The following RBFOX1 variants were observed in gnomAD, a reference collection of about 807,000 sequenced individuals.
RBFOX1 encodes RNA binding protein fox-1 homolog 1.
In RBFOX1, 8 loss-of-function variants were observed where a neutral mutation model predicts 57.7. The observed-to-expected ratio is 0.14, with a 90% confidence interval of 0.08 to 0.25. The LOEUF (loss-of-function observed/expected upper bound fraction) is 0.25. Ranked by LOEUF, RBFOX1 falls within the 10% of genes least tolerant of loss-of-function variation. RBFOX1 has a pLI of 1.00. For missense variants in RBFOX1, 611 were observed against 548.5 expected, an observed-to-expected ratio of 1.11 and a Z score of -1.14; for synonymous variants, 326 against 222.4, an observed-to-expected ratio of 1.47 and a Z score of -4.15.
At chr16:7,534,567 C>T (rs1414946488) in intron 5 of RBFOX1, among the ~76,000 whole-genome samples, 1 of 152,130 alleles carries the variant, frequency 6.6e-6, no homozygotes, top group Admixed American at 6.5e-5. Flanking sequence ...CCGATTCGAT[C>T]CACTGAAAGT....
At chr16:6,670,623 A>G (rs539337527) in intron 3 of RBFOX1, among the ~76,000 whole-genome samples, 1 of 152,302 alleles carries the variant, frequency 6.6e-6, no homozygotes, top group African/African-American at 2.4e-5. Flanking sequence ...TAATATACCA[A>G]TCTCTATCTA....
At chr16:5,530,935 A>T (rs1204541031) in intron 2 of RBFOX1, among the ~76,000 whole-genome samples, 834 of 10,258 alleles carry the variant, frequency 0.081, 1 homozygote, top group South Asian at 0.13. Flanking sequence ...TAAAAATATA[A>T]AAAAAAAAAA....
In RBFOX1 at chr16:6,957,279, C is replaced by T. The variant is rs555040590; in HGVS notation, c.-15-94778C>T. On this transcript the variant is annotated intron_variant, in intron 3 of 15. Coordinates refer to ENST00000550418, the MANE Select transcript of RBFOX1 (RefSeq NM_018723.4). ...CCCGAGTAGCTGGGACTACAGGTGC[C>T]CACCACTGCGCCAGGCTAATTTTTT... Among the ~76,000 whole-genome samples, 579 of 151,872 alleles carry T rather than the reference C, an allele frequency of 3.8e-3. 2 individuals carry two copies. The highest frequency in any genetic ancestry group is 0.013 in the South Asian group (62 of 4,794).
intron 4 of RBFOX1, among the ~76,000 whole-genome samples, chr16:5,891,343 C>T (rs1473131428): frequency 6.6e-6 from 1 of 152,152 alleles, no homozygotes; most frequent in East Asian, 1.9e-4. Context: ...GGGGGATGCC[C>T]TTGGTTTCAA....
chr16:5,284,384 G>A (rs2063341165), intron 1 of RBFOX1, among the ~76,000 whole-genome samples: 1 of 152,068 alleles, frequency 6.6e-6, no homozygotes, highest in Non-Finnish European at 1.5e-5. Flanking sequence ...TTGTGTGTCT[G>A]CTCTATCAGA....
chr16:6,799,658 G>C (rs2084898881), intron 3 of RBFOX1, among the ~76,000 whole-genome samples: 1 of 152,140 alleles, frequency 6.6e-6, no homozygotes. Flanking sequence ...CTCGTATAAA[G>C]CAGGTGGAAG....
intron 1 of RBFOX1, among the ~76,000 whole-genome samples, chr16:5,461,310 C>T (rs540208063): frequency 1.7e-4 from 26 of 152,306 alleles, no homozygotes; most frequent in African/African-American, 5.5e-4. Flanking sequence ...TGATCTGCCC[C>T]GCACTCTGCC....
intron 1 of RBFOX1, among the ~76,000 whole-genome samples, chr16:6,020,610 C>T (rs760002111): frequency 5.3e-5 from 8 of 152,154 alleles, no homozygotes; most frequent in Non-Finnish European, 1.0e-4. Context: ...CCTACTGTGC[C>T]CCTGGTTCCT....
chr16:7,669,036 CTG>C (rs2070454916), intron 13 of RBFOX1, among the ~76,000 whole-genome samples: 1 of 152,192 alleles, frequency 6.6e-6, no homozygotes, highest in Non-Finnish European at 1.5e-5. Context: ...TCCTGAGTAA[CTG>C]GGATTACAGG....
chr16:6,113,076 G>T (rs1441176499), intron 1 of RBFOX1, among the ~76,000 whole-genome samples: 1 of 152,134 alleles, frequency 6.6e-6, no homozygotes, highest in East Asian at 1.9e-4. Flanking sequence ...GCTTACTCCT[G>T]AGTCTGTGGA....
intron 14 of RBFOX1, among the ~76,000 whole-genome samples, chr16:7,686,236 A>G (rs2076038353): frequency 6.6e-6 from 1 of 152,032 alleles, no homozygotes; most frequent in African/African-American, 2.4e-5. Context: ...ATGAGTTAGA[A>G]TAATTTTTGA....
chr16:7,247,442 A>T (rs1567879842), intron 4 of RBFOX1, among the ~76,000 whole-genome samples: 1 of 152,186 alleles, frequency 6.6e-6, no homozygotes, highest in Non-Finnish European at 1.5e-5. Flanking sequence ...GTTGTGCAAG[A>T]TAATGAGTGT....
At chr16:7,489,274 A>T (rs941119278) in intron 4 of RBFOX1, among the ~76,000 whole-genome samples, 6 of 152,316 alleles carry the variant, frequency 3.9e-5, no homozygotes, top group Admixed American at 3.3e-4. Flanking sequence ...ATGTAAAAGC[A>T]AGTTTTTGGT....
At chr16:5,597,395 C>CGTT (rs1363908203) in intron 2 of RBFOX1, among the ~76,000 whole-genome samples, 1 of 114,426 alleles carries the variant, frequency 8.7e-6, no homozygotes, top group Non-Finnish European at 1.7e-5. Context: ...AGCTTGCTGA[C>CGTT]TTTTTTTTTT....
rs574934839 is a variant in RBFOX1 at position 7,414,485 on chromosome 16, A to G, written c.28-103662A>G. On this transcript the variant is annotated intron_variant, in intron 4 of 15. Transcript: ENST00000550418. ...ATGTGAGCCACAGAATTTAACACAG[A>G]TCTGTAGTAGTCATCTTGAGTGTTT... Among the ~76,000 whole-genome samples, 4 of 152,362 alleles carry G rather than the reference A, an allele frequency of 2.6e-5. No homozygotes were observed. The East Asian group carries it at 5.8e-4, about 22-fold the overall frequency.
chr16:7,148,851 C>T (rs547978014), intron 4 of RBFOX1, among the ~76,000 whole-genome samples: 11 of 152,276 alleles, frequency 7.2e-5, no homozygotes, highest in East Asian at 5.8e-4. Context: ...AAGTGACCCT[C>T]GGGTCACCAT....
At chr16:6,803,150 T>G (rs1221867480) in intron 3 of RBFOX1, among the ~76,000 whole-genome samples, 1 of 152,172 alleles carries the variant, frequency 6.6e-6, no homozygotes, top group Non-Finnish European at 1.5e-5. Flanking sequence ...TTTTTTTCTT[T>G]TAAATGCCAT....
intron 4 of RBFOX1, among the ~76,000 whole-genome samples, chr16:5,967,105 C>A (rs191481971): frequency 6.6e-6 from 1 of 150,552 alleles, no homozygotes; most frequent in East Asian, 2.0e-4. Flanking sequence ...GCTGCTTCTT[C>A]GAGTTAACAA....
intron 4 of RBFOX1, among the ~76,000 whole-genome samples, chr16:7,307,871 C>G (rs749993344): frequency 2.0e-5 from 3 of 152,186 alleles, no homozygotes; most frequent in Admixed American, 6.5e-5. Context: ...AAGTCCCTGC[C>G]TCAATCTCCT....
Sources: gnomAD v4.1 joint callset for allele counts (sites outside exome capture counted in the v4.1 genomes callset) on GRCh38, gnomAD v4.1.1 for gene constraint, MANE v1.5 for transcripts, NCBI Gene and HGNC (gene_info 2026-07-23, HGNC 2026-07-21) for gene names.